The following PRKD3 variants were observed in gnomAD, a reference collection of about 807,000 sequenced individuals.
The protein encoded by PRKD3 is serine/threonine-protein kinase D3.
In PRKD3, 47 loss-of-function variants were observed where a neutral mutation model predicts 99.2. That is an observed-to-expected ratio of 0.47 (90% CI 0.38 to 0.60). The LOEUF is 0.60. Ranked by LOEUF, PRKD3 falls within the 20% of genes least tolerant of loss-of-function variation. The pLI is 0.00. For missense variants in PRKD3, 1,019 were observed against 1,088.4 expected, an observed-to-expected ratio of 0.94 and a Z score of 0.90; for synonymous variants, 392 against 355.4, an observed-to-expected ratio of 1.10 and a Z score of -1.16.
At position 37,289,433 on chromosome 2, in the gene PRKD3, T is replaced by G. The variant is rs767900487; in HGVS notation, c.640A>C (p.Asn214His). 1.2e-6 allele frequency: 2 copies of G among 1,613,908 alleles called. No individual in the cohort carries two copies. The highest frequency in any genetic ancestry group is 1.7e-6 in the Non-Finnish European group (2 of 1,179,832). The change falls in exon 5 of 19, where the codon AAT (asparagine) becomes CAT (histidine). Residue 214 changes from asparagine to histidine, a missense_variant. Physicochemically the swap from Asn to His is moderately conservative, Grantham distance 68. Coordinates refer to ENST00000234179, the MANE Select transcript of PRKD3 (RefSeq NM_005813.6). ...CSGVRKRRLS[N>H]VSLPGPGLSV... ...AGGCCGGGTCCTGGTAAAGATACAT[T>G]TGACAGACGTCTCTTTCTTACTCCA...
At chr2:37,275,952 A>C in intron 9 of PRKD3, 108 bp from the exon 10 acceptor site, 1 of 1,371,610 alleles carries the variant, frequency 7.3e-7, no homozygotes, top group Non-Finnish European at 9.6e-7. Context: ...TTTTTGAATA[A>C]CTTTAAGATT....
chr2:37,290,164 G>A (rs2124836054), intron 4 of PRKD3, among the ~76,000 whole-genome samples: 1 of 152,234 alleles, frequency 6.6e-6, no homozygotes, highest in Admixed American at 6.5e-5. Context: ...TCAGAAATGT[G>A]CACCTGTGTC....
Position 37,279,865 on chromosome 2 carries a change from A to G in PRKD3, c.1053T>C (p.Ser351=). ...PMDIDNNDIN[S]DSSRGLDDTE... is the part of the protein sequence containing the mutation. Reference sequence around the variant, plus strand: ...TGTCATCCAAACCCCGACTACTATCACTATTTATGTCATTATTGTCAATAT... The same window carrying G: ...TGTCATCCAAACCCCGACTACTATCGCTATTTATGTCATTATTGTCAATAT... Residue 351 remains serine, a synonymous_variant, in exon 8 of 19, where the codon AGT becomes AGC. Transcript: ENST00000234179. 6.2e-7 allele frequency: 1 copy of G among 1,612,982 alleles called. No homozygotes were observed. Among genetic ancestry groups the G allele is most frequent in the Non-Finnish European group, 8.5e-7 (1 of 1,179,216 alleles).
intron 12 of PRKD3, among the ~76,000 whole-genome samples, chr2:37,270,367 A>AAC (rs1213003055): frequency 1.9e-4 from 29 of 150,284 alleles, no homozygotes; most frequent in Non-Finnish European, 3.5e-4. Flanking sequence ...AAAAAAAAAA[A>AAC]ACTCAAAAGT....
chr2:37,317,407 T>G (rs186561563), intron 1 of PRKD3, among the ~76,000 whole-genome samples: 12 of 151,748 alleles, frequency 7.9e-5, no homozygotes, highest in Non-Finnish European at 1.6e-4. Flanking sequence ...CACTGATACC[T>G]AAAACTTAAA....
Position 37,292,980 on chromosome 2 carries a change from A to G in PRKD3, c.427+153T>C, listed in dbSNP as rs1670505234. 7.9e-6 allele frequency: 7 copies of G among 884,230 alleles called. No individual in the cohort carries two copies. The East Asian group carries it at 1.9e-4, about 24-fold the overall frequency. The allele number at this position is 884,230 out of a possible 1,614,324, so 54.8% of individuals were successfully genotyped here. A position where few individuals can be genotyped will look rare whatever the true frequency, so the allele number is the denominator to read the frequency against. ...TCTTAATGGTGATATAACATGCCTG[A>G]AAGGAAAAATCATATGGTGACCATT... On this transcript the variant is annotated intron_variant, in intron 3 of 18. Transcript: ENST00000234179.
chr2:37,312,815 G>A (rs567209581), intron 2 of PRKD3, among the ~76,000 whole-genome samples: 47 of 152,220 alleles, frequency 3.1e-4, no homozygotes, highest in Middle Eastern at 6.8e-3. Flanking sequence ...ATTGGTTGAC[G>A]AAAATGTGAC....
intron 5 of PRKD3, among the ~76,000 whole-genome samples, chr2:37,289,069 A>T (rs935030401): frequency 3.3e-5 from 4 of 120,202 alleles, no homozygotes; most frequent in South Asian, 2.5e-4. Flanking sequence ...AACAAAAATT[A>T]AAAAAAAAAT....
At chr2:37,259,913 C>A (rs1256890943) in intron 15 of PRKD3, among the ~76,000 whole-genome samples, 1 of 152,038 alleles carries the variant, frequency 6.6e-6, no homozygotes, top group Non-Finnish European at 1.5e-5. Flanking sequence ...GCCTGTAATC[C>A]CAGCACTTTG....
intron 17 of PRKD3, among the ~76,000 whole-genome samples, chr2:37,255,315 CAAA>C (rs869162462): frequency 1.1e-4 from 3 of 28,092 alleles, no homozygotes; most frequent in Non-Finnish European, 2.0e-4. Flanking sequence ...TTTGGAAAAA[CAAA>C]AAAGATCTAC....
At chr2:37,285,659 G>GT (rs1572663999) in intron 6 of PRKD3, among the ~76,000 whole-genome samples, 2 of 152,136 alleles carry the variant, frequency 1.3e-5, no homozygotes, top group Non-Finnish European at 2.9e-5. Flanking sequence ...AAAACCTCAA[G>GT]TATCAGCTTT....
intron 5 of PRKD3, 111 bp from the exon 6 acceptor site, chr2:37,286,480 T>C: frequency 1.1e-6 from 1 of 899,368 alleles, no homozygotes; most frequent in Non-Finnish European, 1.6e-6. Context: ...CAAAAAACTC[T>C]AAAAATGTTG....
intron 2 of PRKD3, among the ~76,000 whole-genome samples, chr2:37,303,700 T>C (rs1671039627): frequency 6.6e-6 from 1 of 152,180 alleles, no homozygotes; most frequent in African/African-American, 2.4e-5. Context: ...AGAAAAATCC[T>C]ACATCACTGA....
chr2:37,306,533 G>C (rs367589527), intron 2 of PRKD3, among the ~76,000 whole-genome samples: 1 of 152,196 alleles, frequency 6.6e-6, no homozygotes, highest in South Asian at 2.1e-4. Flanking sequence ...AATGGGTCAG[G>C]TGTGGTGGCT....
At chr2:37,287,096 G>A (rs183753022) in intron 5 of PRKD3, among the ~76,000 whole-genome samples, 1,912 of 151,662 alleles carry the variant, frequency 0.013, 17 homozygotes, top group Middle Eastern at 0.027. Flanking sequence ...CAGGCGTGGG[G>A]GTGCATGCCT....
Position 37,279,940 on chromosome 2 carries a change from T to C in PRKD3, c.989-11A>G. Reference sequence around the variant, plus strand: ...CCAGACTGGAAGGTTCTGGGAAAATTTTAAATGAATTTCAGAGTTTTATAT... The same window carrying C: ...CCAGACTGGAAGGTTCTGGGAAAATCTTAAATGAATTTCAGAGTTTTATAT... On this transcript the variant is annotated splice_polypyrimidine_tract_variant and intron_variant, in intron 7 of 18. Coordinates refer to ENST00000234179, the MANE Select transcript of PRKD3 (RefSeq NM_005813.6). The C allele has an allele frequency of 6.4e-7, 1 of 1,563,762 alleles. No homozygotes were observed. The highest frequency in any genetic ancestry group is 8.7e-7 in the Non-Finnish European group (1 of 1,152,002).
At chr2:37,261,922 G>A (rs1668492869) in intron 14 of PRKD3, among the ~76,000 whole-genome samples, 1 of 152,050 alleles carries the variant, frequency 6.6e-6, no homozygotes, top group Non-Finnish European at 1.5e-5. Flanking sequence ...CCGTTTTTTT[G>A]AGTATTCATA....
intron 14 of PRKD3, among the ~76,000 whole-genome samples, chr2:37,266,751 G>C (rs920588781): frequency 1.1e-4 from 16 of 152,158 alleles, no homozygotes; most frequent in African/African-American, 3.9e-4. Context: ...GCCTCCCAAA[G>C]TGCTGGGATT....
chr2:37,289,994 T>C (rs1189741879), intron 4 of PRKD3, among the ~76,000 whole-genome samples: 4 of 152,194 alleles, frequency 2.6e-5, no homozygotes, highest in African/African-American at 4.8e-5. Context: ...AACACAACCA[T>C]ATCTATTCGT....
Sources: allele counts gnomAD v4.1 joint callset (sites outside exome capture counted in the v4.1 genomes callset), GRCh38; gene constraint gnomAD v4.1.1; transcripts MANE v1.5; gene names NCBI Gene and HGNC (gene_info 2026-07-23, HGNC 2026-07-21).